The following ZSCAN20 variants were observed in gnomAD, a reference collection of about 807,000 sequenced individuals.
ZSCAN20 encodes zinc finger and SCAN domain containing 20, also known as zinc finger and SCAN domain-containing protein 20.
In ZSCAN20, 39 loss-of-function variants were observed where a neutral mutation model predicts 97.1. The observed-to-expected ratio is 0.40, with a 90% confidence interval of 0.31 to 0.52. The LOEUF (loss-of-function observed/expected upper bound fraction) is 0.52. Ranked by LOEUF, ZSCAN20 falls within the 20% of genes least tolerant of loss-of-function variation. The pLI, the probability that ZSCAN20 is intolerant of heterozygous loss-of-function variation, is 0.49. For synonymous variants in ZSCAN20, 456 were observed against 467.3 expected (o/e 0.98, Z 0.31); for missense variants, 1,115 against 1,290.4 (o/e 0.86, Z 2.08).
At chr1:33,480,895 A>G (rs1360496163) in intron 2 of ZSCAN20, among the ~76,000 whole-genome samples, 2 of 152,206 alleles carry the variant, frequency 1.3e-5, no homozygotes, top group Non-Finnish European at 2.9e-5. Flanking sequence ...TCCTCTAAAC[A>G]TGACTTTTTC....
chr1:33,491,761 C>T lies in ZSCAN20; in HGVS notation c.1444+59C>T. On this transcript the variant is annotated intron_variant, in intron 6 of 7. Coordinates refer to ENST00000684572, the MANE Select transcript of ZSCAN20 (RefSeq NM_001377376.1). This position sits in a 1 kb window ranked among gnomAD's most constrained non-coding sequence, Gnocchi z 4.3. ...TCCAACCCTCCTACCAGCTAGACTG[C>T]TATTCCCTGAGGTCAGGGCACAGGC... The T allele has an allele frequency of 1.3e-6, 2 of 1,499,236 alleles. No individual in the cohort carries two copies. Among genetic ancestry groups the T allele is most frequent in the South Asian group, 2.7e-5 (2 of 73,738 alleles). 92.9% of individuals were successfully genotyped at this position (1,499,236 alleles called of 1,614,324 possible). A position where few individuals can be genotyped will look rare whatever the true frequency, so the allele number is the denominator to read the frequency against.
At position 33,486,259 on chromosome 1, in the gene ZSCAN20, G is replaced by A. The variant is rs112074119; in HGVS notation, c.418-2206G>A. Among the ~76,000 whole-genome samples the A allele has an allele frequency of 7.9e-3, 1,204 of 152,306 alleles. 19 individuals are homozygous for A. Among genetic ancestry groups the A allele is most frequent in the African/African-American group, 0.027 (1,128 of 41,538 alleles). On this transcript the variant is annotated intron_variant, in intron 2 of 7. Transcript: ENST00000684572. ...ACTTACAAAAATGTGCCCCTGCTCAGTGATTAAGTGCCCTGGAGTTTTTAC... is the reference window on the plus strand; with the variant it reads ...ACTTACAAAAATGTGCCCCTGCTCAATGATTAAGTGCCCTGGAGTTTTTAC...
At position 33,499,185 on chromosome 1, in the gene ZSCAN20, T is replaced by G. The variant is rs1418503027; in HGVS notation, c.*3709T>G. ...ACTTTCTGTAGGGGAGTAACACCCTTTGGGGACAGGGGTGCAGTTTTGAAG... is the reference window on the plus strand; with the variant it reads ...ACTTTCTGTAGGGGAGTAACACCCTGTGGGGACAGGGGTGCAGTTTTGAAG... On this transcript the variant is annotated 3_prime_UTR_variant, in exon 8 of 8. Transcript: ENST00000684572. 1.3e-5 allele frequency among the ~76,000 whole-genome samples: 2 copies of G among 152,148 alleles called. No individual in the cohort carries two copies. The highest frequency in any genetic ancestry group is 2.9e-5 in the Non-Finnish European group (2 of 68,020).
chr1:33,488,373 A>G, intron 2 of ZSCAN20, 92 bp from the exon 3 acceptor site: 1 of 1,298,908 alleles, frequency 7.7e-7, no homozygotes, highest in South Asian at 1.4e-5. Context: ...ATCTTAAAAG[A>G]GCCTGTTAGC....
At chr1:33,489,225 T>G in intron 4 of ZSCAN20, 34 bp downstream of exon 4, 1 of 1,598,734 alleles carries the variant, frequency 6.3e-7, no homozygotes. Context: ...TTCCTGTCAT[T>G]GCTGCTCCTG....
At chr1:33,480,605 A>G (rs1191593538) in intron 2 of ZSCAN20, among the ~76,000 whole-genome samples, 1 of 152,320 alleles carries the variant, frequency 6.6e-6, no homozygotes, top group Middle Eastern at 3.4e-3. Flanking sequence ...TCATCTAATC[A>G]ACCCAGCAAT....
intron 2 of ZSCAN20, among the ~76,000 whole-genome samples, chr1:33,481,475 T>A (rs1652154223): frequency 6.6e-6 from 1 of 152,224 alleles, no homozygotes; most frequent in African/African-American, 2.4e-5. Context: ...GTATTTTTGT[T>A]TTTACTGTGA....
At chr1:33,489,251 A>G in intron 4 of ZSCAN20, 60 bp downstream of exon 4, 7 of 1,535,070 alleles carry the variant, frequency 4.6e-6, no homozygotes, top group Non-Finnish European at 6.3e-6. Context: ...TTGCCCCCAC[A>G]GTGTTCCTCC....
intron 2 of ZSCAN20, among the ~76,000 whole-genome samples, chr1:33,486,331 G>A (rs1042184353): frequency 6.6e-6 from 1 of 152,128 alleles, no homozygotes; most frequent in Non-Finnish European, 1.5e-5. Flanking sequence ...ATCAATTACA[G>A]TTTAGGTTTT....
chr1:33,480,095 TA>T (rs1476671020), intron 2 of ZSCAN20, among the ~76,000 whole-genome samples: 2 of 152,200 alleles, frequency 1.3e-5, no homozygotes, highest in African/African-American at 2.4e-5. Context: ...ACAATATGAT[TA>T]ACTCGTGTTT....
chr1:33,492,421 A>G (rs987933875), intron 6 of ZSCAN20: 5 of 152,190 alleles, frequency 3.3e-5, no homozygotes, highest in African/African-American at 1.2e-4. Flanking sequence ...TTGCAGGACT[A>G]TTTGAAACTC....
At position 33,499,521 on chromosome 1, in the gene ZSCAN20, C is replaced by T. The variant is rs1264712335; in HGVS notation, c.*4045C>T. Among the ~76,000 whole-genome samples the T allele has an allele frequency of 6.6e-6, 1 of 152,054 alleles. No individual in the cohort carries two copies. The highest frequency in any genetic ancestry group is 1.5e-5 in the Non-Finnish European group (1 of 68,002). ...GTGTCTACCATCACCCATCATGGGG[C>T]TCTTGGCCTGCCCATTCAGCACGTG... On this transcript the variant is annotated 3_prime_UTR_variant, in exon 8 of 8. Coordinates refer to ENST00000684572, the MANE Select transcript of ZSCAN20 (RefSeq NM_001377376.1).
In ZSCAN20 at chr1:33,500,918, T is replaced by C. The variant is rs1397662459; in HGVS notation, c.*5442T>C. 6.6e-6 allele frequency among the ~76,000 whole-genome samples: 1 copy of C among 151,860 alleles called. No homozygotes were observed. Among genetic ancestry groups the C allele is most frequent in the Non-Finnish European group, 1.5e-5 (1 of 68,008 alleles). On this transcript the variant is annotated 3_prime_UTR_variant, in exon 8 of 8. Coordinates refer to ENST00000684572, the MANE Select transcript of ZSCAN20 (RefSeq NM_001377376.1). ...CTAACTTGGTGGCAGGTGACAAATG[T>C]GGCACAAAGGAGAAAGGAGTCTTCT... is the stretch of plus-strand genomic sequence containing the variant.
In ZSCAN20 at chr1:33,494,519, C is replaced by A. The variant is rs1426747122; in HGVS notation, c.2175C>A (p.Phe725Leu). 1 of 1,614,226 alleles carries A rather than the reference C, an allele frequency of 6.2e-7. No homozygotes were observed. Among genetic ancestry groups the A allele is most frequent in the East Asian group, 2.2e-5 (1 of 44,894 alleles). Residue 725 changes from phenylalanine (F) to leucine (L), a missense_variant, in exon 8 of 8, where the codon TTC (phenylalanine) becomes TTA (leucine). By Grantham distance (22) the Phe-to-Leu change is conservative (BLOSUM62 0). Around this residue, in one of 3 missense-constraint regions of ZSCAN20, gnomAD observed 554 missense variants for 584.9 expected, o/e 0.95. Transcript: ENST00000684572. Reference sequence around the variant, plus strand: ...AGAGCTTCAGTCGGAGCTCCCACTTCATTGCCCATCAGCGAATCCACACAG... The same window carrying A: ...AGAGCTTCAGTCGGAGCTCCCACTTAATTGCCCATCAGCGAATCCACACAG... ...CMKSFSRSSH[F>L]IAHQRIHTGE...
At position 33,495,296 on chromosome 1, in the gene ZSCAN20, G is replaced by A. The variant is rs1176125466; in HGVS notation, c.2952G>A (p.Glu984=). Residue 984 remains glutamate (E), a synonymous_variant, in exon 8 of 8, where the codon GAG becomes GAA. Coordinates refer to ENST00000684572, the MANE Select transcript of ZSCAN20 (RefSeq NM_001377376.1). ...LITHQRIHTG[E]KPYKCRECGK... Reference sequence around the variant, plus strand: ...CTCACCAGAGGATTCATACGGGAGAGAAGCCGTATAAGTGCAGAGAGTGTG... The same window carrying A: ...CTCACCAGAGGATTCATACGGGAGAAAAGCCGTATAAGTGCAGAGAGTGTG... The A allele has an allele frequency of 6.2e-7, 1 of 1,612,306 alleles. No individual in the cohort carries two copies. The highest frequency in any genetic ancestry group is 8.5e-7 in the Non-Finnish European group (1 of 1,178,964).
intron 1 of ZSCAN20, among the ~76,000 whole-genome samples, chr1:33,473,630 C>T (rs1651813362): frequency 6.6e-6 from 1 of 152,148 alleles, no homozygotes; most frequent in South Asian, 2.1e-4. Flanking sequence ...AGAATATTCT[C>T]TCCTTGCCCT....
intron 1 of ZSCAN20, among the ~76,000 whole-genome samples, chr1:33,475,338 C>T (rs1651878781): frequency 1.3e-5 from 2 of 152,210 alleles, no homozygotes; most frequent in African/African-American, 4.8e-5. Context: ...GTGAAAATCA[C>T]TTTAGCCAAA....
chr1:33,495,632 C>G lies in ZSCAN20; in HGVS notation c.*156C>G, dbSNP rs536350351. 4 of 634,674 alleles carry G rather than the reference C, an allele frequency of 6.3e-6. No individual in the cohort carries two copies. Among genetic ancestry groups the G allele is most frequent in the Non-Finnish European group, 9.4e-6 (4 of 423,472 alleles). The allele number at this position is 634,674 out of a possible 1,614,324, so 39.3% of individuals were successfully genotyped here. A position where few individuals can be genotyped will look rare whatever the true frequency, so the allele number is the denominator to read the frequency against. Reference sequence around the variant, plus strand: ...GTAATTTGGAAGTGAATTACAAATACTAAGGATCCAGATTTGAAGGCACTT... The same window carrying G: ...GTAATTTGGAAGTGAATTACAAATAGTAAGGATCCAGATTTGAAGGCACTT... On this transcript the variant is annotated 3_prime_UTR_variant, in exon 8 of 8. Transcript: ENST00000684572.
rs183175332 is a variant in ZSCAN20 at position 33,485,377 on chromosome 1, C to T, written c.418-3088C>T. Among the ~76,000 whole-genome samples, 11 of 152,102 alleles carry T rather than the reference C, an allele frequency of 7.2e-5. No individual in the cohort carries two copies. The East Asian group carries it at 1.9e-3, about 27-fold the overall frequency. Reference sequence around the variant, plus strand: ...GGATCTGTAGTGATGTCTCTGTTTTCATTTCTGATATTAATAATTTGTCTT... The same window carrying T: ...GGATCTGTAGTGATGTCTCTGTTTTTATTTCTGATATTAATAATTTGTCTT... On this transcript the variant is annotated intron_variant, in intron 2 of 7. Coordinates refer to ENST00000684572, the MANE Select transcript of ZSCAN20 (RefSeq NM_001377376.1).
Sources: gnomAD v4.1 joint callset for allele counts (sites outside exome capture counted in the v4.1 genomes callset) on GRCh38, gnomAD v4.1.1 for gene constraint, gnomAD v4.1.1 regional missense constraint, Gnocchi (gnomAD v3.1) non-coding constraint, MANE v1.5 for transcripts, NCBI Gene and HGNC (gene_info 2026-07-23, HGNC 2026-07-21) for gene names.